The following FAM81A variants were observed in gnomAD, a reference collection of about 807,000 sequenced individuals.
The protein encoded by FAM81A is protein FAM81A.
A neutral mutation model predicts 46.7 loss-of-function variants in FAM81A; 19 were observed. That is an observed-to-expected ratio of 0.41 (90% CI 0.28 to 0.60). The LOEUF (loss-of-function observed/expected upper bound fraction) is 0.60. Among genes scored for constraint, FAM81A ranks in the 20% least tolerant of loss-of-function variants. The probability of loss-of-function intolerance (pLI) is 0.34; values close to 1 mark genes in which losing one functional copy is unlikely to be tolerated. For synonymous variants in FAM81A, 183 were observed against 152.9 expected (o/e 1.20, Z -1.45); for missense variants, 377 against 453.5 (o/e 0.83, Z 1.53).
chr15:59,428,610 C>A (rs114469599), intron 2 of FAM81A, among the ~76,000 whole-genome samples: 1 of 141,194 alleles, frequency 7.1e-6, no homozygotes, highest in African/African-American at 2.6e-5. Context: ...TACCTAGATC[C>A]ATGTCTACTC....
In FAM81A at chr15:59,488,203, T is replaced by C. The variant is rs571982154; in HGVS notation, c.295-4068T>C. Among the ~76,000 whole-genome samples, 194 of 152,262 alleles carry C rather than the reference T, an allele frequency of 1.3e-3. 1 individual carries two copies. Among genetic ancestry groups the C allele is most frequent in the African/African-American group, 4.5e-3 (188 of 41,542 alleles). Reference sequence around the variant, plus strand: ...CATATCAACCGATGCTGAAAAAGCATTGGATAAAATTCAACATCCCTTCAT... The same window carrying C: ...CATATCAACCGATGCTGAAAAAGCACTGGATAAAATTCAACATCCCTTCAT... On this transcript the variant is annotated intron_variant, in intron 3 of 8. Transcript: ENST00000288228.
At chr15:59,419,720 A>T (rs2081162604) in intron 2 of FAM81A, among the ~76,000 whole-genome samples, 1 of 152,256 alleles carries the variant, frequency 6.6e-6, no homozygotes, top group African/African-American at 2.4e-5. Flanking sequence ...CTGAAAATAC[A>T]AAAATTGGCC....
intron 3 of FAM81A, among the ~76,000 whole-genome samples, chr15:59,469,540 T>G (rs1269862413): frequency 1.0e-5 from 1 of 98,430 alleles, no homozygotes; most frequent in African/African-American, 6.7e-5. Context: ...AACCCCTGCT[T>G]TTTTTTTTTT....
intron 4 of FAM81A, among the ~76,000 whole-genome samples, chr15:59,503,984 C>T (rs113949281): frequency 8.5e-5 from 13 of 152,278 alleles, no homozygotes; most frequent in African/African-American, 2.6e-4. Flanking sequence ...ACTTTTGAGA[C>T]TTTTCAAACT....
At chr15:59,508,805 C>G in intron 5 of FAM81A, 58 bp from the exon 6 acceptor site, 1 of 1,275,948 alleles carries the variant, frequency 7.8e-7, no homozygotes, top group African/African-American at 1.5e-5. Context: ...TAAATGTTTT[C>G]TGAAGTTGCA....
At chr15:59,466,466 G>T (rs1469253756) in intron 3 of FAM81A, among the ~76,000 whole-genome samples, 1 of 151,274 alleles carries the variant, frequency 6.6e-6, no homozygotes, top group African/African-American at 2.5e-5. Flanking sequence ...GTGATGATGA[G>T]CATTTTTTCA....
At chr15:59,459,807 G>T in intron 2 of FAM81A, 126 bp from the exon 3 acceptor site, 1 of 1,336,918 alleles carries the variant, frequency 7.5e-7, no homozygotes, top group East Asian at 2.5e-5. Context: ...CAGAAATCCT[G>T]CCTCAAACCC....
intron 3 of FAM81A, among the ~76,000 whole-genome samples, chr15:59,475,287 G>A (rs879844561): frequency 2.6e-5 from 4 of 151,998 alleles, no homozygotes; most frequent in Non-Finnish European, 4.4e-5. Context: ...TGGAATTTCA[G>A]GCACACCACC....
At chr15:59,400,381 C>T (rs2081065223) in intron 1 of FAM81A, among the ~76,000 whole-genome samples, 1 of 152,152 alleles carries the variant, frequency 6.6e-6, no homozygotes, top group South Asian at 2.1e-4. Flanking sequence ...CTGCACCCCG[C>T]ACACTAGCCC....
chr15:59,476,785 A>C (rs1014953771), intron 3 of FAM81A, among the ~76,000 whole-genome samples: 1 of 150,696 alleles, frequency 6.6e-6, no homozygotes, highest in Non-Finnish European at 1.5e-5. Flanking sequence ...GCAAGACTCC[A>C]TCTCTAAATA....
chr15:59,424,843 CT>C (rs1442400358), intron 2 of FAM81A, among the ~76,000 whole-genome samples: 1 of 152,178 alleles, frequency 6.6e-6, no homozygotes, highest in Admixed American at 6.6e-5. Context: ...AGCCTTAAAA[CT>C]GGTTTCTCTA....
chr15:59,452,385 G>A (rs1174640059), intron 1 of FAM81A, among the ~76,000 whole-genome samples: 3 of 152,178 alleles, frequency 2.0e-5, no homozygotes, highest in Admixed American at 2.0e-4. Context: ...AGTGGCTCAC[G>A]CCTGTAATTC....
In FAM81A at chr15:59,460,125, T is replaced by C; in HGVS notation, c.213T>C (p.Gly71=). ...SLQKMQNKGG[G]DRLARLFLEE... ...AGAAAATGCAAAACAAAGGGGGAGG[T>C]GACCGCTTGGCCAGGCTTTTCTTGG... The change falls in exon 3 of 9, where the codon GGT becomes GGC. Residue 71 remains glycine, a synonymous_variant. Coordinates refer to ENST00000288228, the MANE Select transcript of FAM81A (RefSeq NM_152450.3). The surrounding 1 kb of genome is among the most constrained non-coding windows in gnomAD (Gnocchi z 4.4). 6.2e-7 allele frequency: 1 copy of C among 1,613,664 alleles called. No homozygotes were observed. The highest frequency in any genetic ancestry group is 8.5e-7 in the Non-Finnish European group (1 of 1,179,836).
intron 1 of FAM81A, among the ~76,000 whole-genome samples, chr15:59,444,705 T>G (rs1433942378): frequency 6.6e-6 from 1 of 152,204 alleles, no homozygotes; most frequent in Non-Finnish European, 1.5e-5. Context: ...TCTTTCTGTC[T>G]GTTACTCTCT....
chr15:59,452,212 A>G (rs2081427291), intron 1 of FAM81A, among the ~76,000 whole-genome samples: 1 of 152,236 alleles, frequency 6.6e-6, no homozygotes, highest in African/African-American at 2.4e-5. Context: ...ATTTTGTAGA[A>G]CAAAGGAAAG....
chr15:59,487,983 G>A (rs2081939590), intron 3 of FAM81A, among the ~76,000 whole-genome samples: 1 of 151,946 alleles, frequency 6.6e-6, no homozygotes, highest in Non-Finnish European at 1.5e-5. Flanking sequence ...AAACCTACAG[G>A]CCAATATCCC....
chr15:59,450,336 T>A (rs891167983), intron 1 of FAM81A, among the ~76,000 whole-genome samples: 12 of 152,166 alleles, frequency 7.9e-5, no homozygotes, highest in Admixed American at 2.0e-4. Flanking sequence ...ACTCCTCACT[T>A]TTTTGCTATT....
intron 1 of FAM81A, 121 bp downstream of exon 1, chr15:59,438,403 G>A (rs2081259852): frequency 6.6e-6 from 1 of 152,468 alleles, no homozygotes; most frequent in Non-Finnish European, 1.5e-5. Flanking sequence ...GGTAGAGAGA[G>A]CTGCGCGTGG....
chr15:59,484,699 G>A (rs2081895919), intron 3 of FAM81A, among the ~76,000 whole-genome samples: 2 of 152,324 alleles, frequency 1.3e-5, no homozygotes, highest in East Asian at 1.9e-4. Flanking sequence ...TCACAGCCGT[G>A]GTGGCTGTGA....
Sources: allele counts gnomAD v4.1 joint callset (sites outside exome capture counted in the v4.1 genomes callset), GRCh38; gene constraint gnomAD v4.1.1; non-coding constraint Gnocchi (gnomAD v3.1); transcripts MANE v1.5; gene names NCBI Gene and HGNC (gene_info 2026-07-23, HGNC 2026-07-21).